KAZN: variants seen among roughly 807,000 people sequenced by gnomAD.
The protein encoded by KAZN is kazrin, periplakin interacting protein, also known as kazrin.
Under a neutral mutation model 87.4 loss-of-function variants are expected in KAZN, and 40 were observed. That is an observed-to-expected ratio of 0.46 (90% confidence interval 0.36 to 0.60). KAZN has a LOEUF of 0.60. Among genes scored for constraint, KAZN ranks in the 20% least tolerant of loss-of-function variants. KAZN has a pLI of 0.00. For synonymous variants in KAZN, 466 were observed against 458.3 expected (o/e 1.02, Z -0.22); for missense variants, 898 against 1,073.9 (o/e 0.84, Z 2.29).
At chr1:14,863,356 C>G (rs1264184457) in intron 1 of KAZN, among the ~76,000 whole-genome samples, 1 of 152,184 alleles carries the variant, frequency 6.6e-6, no homozygotes, top group African/African-American at 2.4e-5. Flanking sequence ...CACTCTGTCC[C>G]TCCGGGGGAT....
rs927657807 is a variant in KAZN, at chr1:14,949,306, G to A, written c.227-11378G>A. ...AACTTAAAAACAAAAAAAAGAAAAA[G>A]AAAATGTGCTCACTGAGGGCTGGAG... On this transcript the variant is annotated intron_variant, in intron 1 of 14. Coordinates refer to ENST00000376030, the MANE Select transcript of KAZN (RefSeq NM_201628.3). The surrounding 1 kb of genome is among the most constrained non-coding windows in gnomAD (Gnocchi z 4.3). 6.0e-4 allele frequency among the ~76,000 whole-genome samples: 91 copies of A among 151,116 alleles called. 1 individual carries two copies. Among genetic ancestry groups the A allele is most frequent in the Non-Finnish European group, 6.6e-4 (45 of 67,970 alleles).
At chr1:14,031,169 C>A (rs776560812) in intron 1 of KAZN, among the ~76,000 whole-genome samples, 1 of 152,116 alleles carries the variant, frequency 6.6e-6, no homozygotes, top group Non-Finnish European at 1.5e-5. Flanking sequence ...AATTAACAGG[C>A]ATTTATTTCA....
rs1199211988 is a variant in KAZN at position 14,548,198 on chromosome 1, A to ATT, written c.250-50768_250-50767dup. On this transcript the variant is annotated intron_variant, in intron 2 of 16. Transcript: ENST00000636203. The stretch of plus-strand genomic sequence containing the variant: ...TTTTCAATGCTTTTCCTCTTCGTGC[A>ATT]TTTTTTTTTTTTTTTTTTGAGACAG... Among the ~76,000 whole-genome samples the ATT allele has an allele frequency of 2.1e-3, 281 of 132,926 alleles. 4 individuals carry two copies. Among genetic ancestry groups the ATT allele is most frequent in the African/African-American group, 6.5e-3 (232 of 35,738 alleles). 87.2% of individuals were successfully genotyped at this position (132,926 alleles called of 152,430 possible).
intron 2 of KAZN, among the ~76,000 whole-genome samples, chr1:14,237,841 A>G (rs910168386): frequency 1.6e-4 from 25 of 152,188 alleles, no homozygotes; most frequent in Admixed American, 2.0e-4. Flanking sequence ...AGAAGCCCAC[A>G]TGGGAATTCA....
chr1:14,119,436 G>C lies in KAZN; in HGVS notation c.92-60999G>C, dbSNP rs79859959. Among the ~76,000 whole-genome samples, 618 of 152,302 alleles carry C rather than the reference G, an allele frequency of 4.1e-3. 7 individuals are homozygous for C. Among genetic ancestry groups the C allele is most frequent in the East Asian group, 0.028 (147 of 5,174 alleles). The stretch of plus-strand genomic sequence containing the variant: ...CAAGGGTTTGCAGCTGCTCAGGTGT[G>C]CCTGTGCCATCTTTTTGTCTTCAGG... On this transcript the variant is annotated intron_variant, in intron 1 of 16. Transcript: ENST00000636203.
intron 1 of KAZN, among the ~76,000 whole-genome samples, chr1:14,803,528 C>T (rs1185157492): frequency 6.6e-6 from 1 of 152,208 alleles, no homozygotes; most frequent in Admixed American, 6.5e-5. Flanking sequence ...GCCAATGTTG[C>T]CTCCCACCTG....
At chr1:14,874,088 G>C (rs924261024) in intron 1 of KAZN, among the ~76,000 whole-genome samples, 5 of 152,174 alleles carry the variant, frequency 3.3e-5, no homozygotes, top group African/African-American at 1.2e-4. Context: ...AGAGTTGACT[G>C]TCCAAATTTC....
chr1:14,505,587 A>G (rs1670538767), intron 2 of KAZN, among the ~76,000 whole-genome samples: 1 of 152,224 alleles, frequency 6.6e-6, no homozygotes, highest in South Asian at 2.1e-4. Context: ...AGAGTAATCA[A>G]ATTCATAGAG....
At chr1:14,827,950 C>CT (rs1265421022) in intron 1 of KAZN, among the ~76,000 whole-genome samples, 1 of 152,234 alleles carries the variant, frequency 6.6e-6, no homozygotes, top group East Asian at 1.9e-4. Flanking sequence ...GGCTGTGGCC[C>CT]TTCCTGTCAT....
At chr1:15,065,799 A>G (rs757329504) in intron 8 of KAZN, 46 bp downstream of exon 8, 6 of 1,604,786 alleles carry the variant, frequency 3.7e-6, no homozygotes, top group Non-Finnish European at 5.1e-6. Flanking sequence ...GACTGGTGAT[A>G]CGCGCTCCCC....
chr1:14,912,905 C>T (rs1016141415), intron 1 of KAZN, among the ~76,000 whole-genome samples: 3 of 152,158 alleles, frequency 2.0e-5, no homozygotes, highest in African/African-American at 4.8e-5. Flanking sequence ...GGTATAAGAA[C>T]AAAGCCCTTC....
At chr1:14,159,100 ACT>A (rs1314705302) in intron 1 of KAZN, among the ~76,000 whole-genome samples, 4 of 151,454 alleles carry the variant, frequency 2.6e-5, no homozygotes, top group African/African-American at 4.9e-5. Flanking sequence ...TGCTGTAACC[ACT>A]CTCTGCCTAT....
chr1:14,839,809 C>T (rs901204829), intron 1 of KAZN, among the ~76,000 whole-genome samples: 2 of 152,134 alleles, frequency 1.3e-5, no homozygotes, highest in African/African-American at 4.8e-5. Context: ...GACATTGGGG[C>T]TTGTATGTCT....
chr1:14,542,752 A>G (rs1672889840), intron 2 of KAZN, among the ~76,000 whole-genome samples: 1 of 152,172 alleles, frequency 6.6e-6, no homozygotes, highest in African/African-American at 2.4e-5. Context: ...ATGTGTGCTC[A>G]GTGTGAAGCT....
chr1:14,122,244 G>C (rs2101705410), intron 1 of KAZN, among the ~76,000 whole-genome samples: 1 of 152,288 alleles, frequency 6.6e-6, no homozygotes, highest in East Asian at 1.9e-4. Context: ...AATGATTTTA[G>C]ATGTGCAGCA....
intron 2 of KAZN, among the ~76,000 whole-genome samples, chr1:14,413,677 T>A (rs1311848535): frequency 6.6e-6 from 1 of 150,740 alleles, no homozygotes; most frequent in Non-Finnish European, 1.5e-5. Flanking sequence ...AGAGAATTGC[T>A]TTTGGAAACA....
intron 1 of KAZN, among the ~76,000 whole-genome samples, chr1:14,813,769 T>C (rs1315321937): frequency 6.6e-6 from 1 of 152,222 alleles, no homozygotes; most frequent in Non-Finnish European, 1.5e-5. Flanking sequence ...TGTTCTAGAA[T>C]GGCTTGTCAT....
Position 14,349,649 on chromosome 1 carries a change from A to G in KAZN, c.249+169057A>G, listed in dbSNP as rs1050656446. Among the ~76,000 whole-genome samples the G allele has an allele frequency of 2.0e-5, 3 of 152,190 alleles. No individual in the cohort carries two copies. The East Asian group carries it at 5.8e-4, about 30-fold the overall frequency. On this transcript the variant is annotated intron_variant, in intron 2 of 16. Transcript: ENST00000636203. ...CCCTCTAGGCCCCTATAGACATTTG[A>G]GTTTGAGACCCCTGAATGAAAGAAA... is the stretch of plus-strand genomic sequence containing the variant.
rs80193124 is a variant in KAZN at position 14,681,810 on chromosome 1, C to G, written c.226+82587C>G. Among the ~76,000 whole-genome samples the G allele has an allele frequency of 7.4e-5, 11 of 148,622 alleles. No homozygotes were observed. In the East Asian group the frequency reaches 2.2e-3, roughly 30 times the overall value. ...TTCTCCTGCCATTCTCCTGCCTCAGCATCCACGAGTAGCTGGGACTACAGG... is the reference window on the plus strand; with the variant it reads ...TTCTCCTGCCATTCTCCTGCCTCAGGATCCACGAGTAGCTGGGACTACAGG... On this transcript the variant is annotated intron_variant, in intron 1 of 14. Coordinates refer to ENST00000376030, the MANE Select transcript of KAZN (RefSeq NM_201628.3).
Sources: gnomAD v4.1 joint callset for allele counts (sites outside exome capture counted in the v4.1 genomes callset) on GRCh38, gnomAD v4.1.1 for gene constraint, Gnocchi (gnomAD v3.1) non-coding constraint, MANE v1.5 for transcripts, NCBI Gene and HGNC (gene_info 2026-07-23, HGNC 2026-07-21) for gene names.